The following TOP1 variants were observed in gnomAD, a reference collection of about 807,000 sequenced individuals.
TOP1 encodes the protein DNA topoisomerase 1.
TOP1 carries 10 observed loss-of-function variants against 111.1 expected under a neutral mutation model. The ratio of observed to expected loss-of-function variants is 0.09; its 90% CI spans 0.06 to 0.15. TOP1 has a LOEUF of 0.15. Ranked by LOEUF, TOP1 falls within the 10% of genes least tolerant of loss-of-function variation. The probability of loss-of-function intolerance (pLI) is 1.00; values close to 1 mark genes in which losing one functional copy is unlikely to be tolerated. For synonymous variants in TOP1, 271 were observed against 302.9 expected (o/e 0.89, Z 1.10); for missense variants, 474 against 926.7 (o/e 0.51, Z 6.34).
intron 8 of TOP1, among the ~76,000 whole-genome samples, chr20:41,087,398 T>C (rs2033861861): frequency 6.6e-6 from 1 of 152,276 alleles, no homozygotes; most frequent in Admixed American, 6.5e-5. Context: ...GAATATAAGT[T>C]GCCAGTTAAT....
At position 41,123,778 on chromosome 20, in the gene TOP1, C is replaced by T. The variant is rs1907595220; in HGVS notation, c.*481C>T. On this transcript the variant is annotated 3_prime_UTR_variant, in exon 21 of 21. Coordinates refer to ENST00000361337, the MANE Select transcript of TOP1 (RefSeq NM_003286.4). This position sits in a 1 kb window ranked among gnomAD's most constrained non-coding sequence, Gnocchi z 5.8. ...TTTAAAATTAAGTAGAACAAAAAAC[C>T]CAGCGCACCTGTTAGAGTCGTCACT... 4.3e-6 allele frequency: 1 copy of T among 232,344 alleles called. No homozygotes were observed. Among genetic ancestry groups the T allele is most frequent in the Non-Finnish European group, 8.5e-6 (1 of 117,484 alleles). The allele number at this position is 232,344 out of a possible 1,614,324, so 14.4% of individuals were successfully genotyped here. A position where few individuals can be genotyped will look rare whatever the true frequency, so the allele number is the denominator to read the frequency against.
Position 41,110,393 on chromosome 20 carries a change from G to A in TOP1, c.1309-2389G>A, listed in dbSNP as rs1032688558. ...TATCCATGATGATAGTAATCAGATT[G>A]AAGGATCAGTGGTTGCTTGGTGGAA... is the stretch of plus-strand genomic sequence containing the variant. On this transcript the variant is annotated intron_variant, in intron 13 of 20. Transcript: ENST00000361337. The surrounding 1 kb of genome is among the most constrained non-coding windows in gnomAD (Gnocchi z 4.2). Among the ~76,000 whole-genome samples the A allele has an allele frequency of 6.6e-6, 1 of 152,196 alleles. No homozygotes were observed. Among genetic ancestry groups the A allele is most frequent in the African/African-American group, 2.4e-5 (1 of 41,446 alleles).
chr20:41,088,162 T>A (rs2033869983), intron 8 of TOP1, among the ~76,000 whole-genome samples: 1 of 152,204 alleles, frequency 6.6e-6, no homozygotes, highest in African/African-American at 2.4e-5. Flanking sequence ...AGGATACACA[T>A]GTTGAAATAG....
intron 2 of TOP1, among the ~76,000 whole-genome samples, chr20:41,048,593 G>A (rs141835330): frequency 4.5e-4 from 69 of 152,266 alleles, no homozygotes; most frequent in African/African-American, 1.6e-3. Context: ...TGCTCTAAGC[G>A]TGTCTTCTTA....
At position 41,069,443 on chromosome 20, in the gene TOP1, A is replaced by T. The variant is rs2145931093; in HGVS notation, c.156-6728A>T. Among the ~76,000 whole-genome samples the T allele has an allele frequency of 6.6e-6, 1 of 152,334 alleles. No individual in the cohort carries two copies. Among genetic ancestry groups the T allele is most frequent in the Non-Finnish European group, 1.5e-5 (1 of 68,022 alleles). Reference sequence around the variant, plus strand: ...AGTATGATATATTGAATAGCACACTAAGATAAAAGTTAAGAGGCTGGGTTC... The same window carrying T: ...AGTATGATATATTGAATAGCACACTTAGATAAAAGTTAAGAGGCTGGGTTC... On this transcript the variant is annotated intron_variant, in intron 3 of 20. Transcript: ENST00000361337. This position sits in a 1 kb window ranked among gnomAD's most constrained non-coding sequence, Gnocchi z 4.1.
At position 41,115,656 on chromosome 20, in the gene TOP1, TG is replaced by T. The variant is rs1350912650; in HGVS notation, c.1707+223del. The stretch of plus-strand genomic sequence containing the variant: ...AGAACAACTGCTAAAGCACTCAGGG[TG>T]GGGGGTAGATGAGCCCTACCTTTTA... On this transcript the variant is annotated intron_variant, in intron 16 of 20. Transcript: ENST00000361337. The surrounding 1 kb of genome is among the most constrained non-coding windows in gnomAD (Gnocchi z 6.3). Among the ~76,000 whole-genome samples, 3 of 151,992 alleles carry T rather than the reference TG, an allele frequency of 2.0e-5. No homozygotes were observed. Among genetic ancestry groups the T allele is most frequent in the Non-Finnish European group, 2.9e-5 (2 of 67,984 alleles).
Position 41,122,239 on chromosome 20 carries a change from G to A in TOP1, c.2195+84G>A, listed in dbSNP as rs982101958. ...CCGAGAGCACTGGTGGCCTTCACAT[G>A]CCATTCCTAAGCTACACACTTTAGT... On this transcript the variant is annotated intron_variant, in intron 20 of 20. Coordinates refer to ENST00000361337, the MANE Select transcript of TOP1 (RefSeq NM_003286.4). The surrounding 1 kb of genome is among the most constrained non-coding windows in gnomAD (Gnocchi z 5.4). 1.4e-6 allele frequency: 2 copies of A among 1,422,142 alleles called. No individual in the cohort carries two copies. The highest frequency in any genetic ancestry group is 2.0e-6 in the Non-Finnish European group (2 of 1,022,070). The allele number at this position is 1,422,142 out of a possible 1,614,324, so 88.1% of individuals were successfully genotyped here.
chr20:41,050,913 T>C (rs2033397723), intron 2 of TOP1, among the ~76,000 whole-genome samples: 1 of 152,238 alleles, frequency 6.6e-6, no homozygotes, highest in Non-Finnish European at 1.5e-5. Context: ...TTTTAAAACT[T>C]CTGCTTTTGG....
chr20:41,035,368 C>A (rs773757025), intron 2 of TOP1, among the ~76,000 whole-genome samples: 20 of 152,228 alleles, frequency 1.3e-4, no homozygotes, highest in South Asian at 4.1e-4. Context: ...TAATTCCCCT[C>A]TGAGCCTTTG....
intron 3 of TOP1, among the ~76,000 whole-genome samples, chr20:41,064,356 G>A (rs949869050): frequency 1.3e-5 from 2 of 152,220 alleles, no homozygotes; most frequent in Admixed American, 6.5e-5. Flanking sequence ...AAGTGCACAC[G>A]AAATGTGCCA....
At chr20:41,070,722 AGCTGG>A (rs1388410241) in intron 3 of TOP1, among the ~76,000 whole-genome samples, 1 of 152,224 alleles carries the variant, frequency 6.6e-6, no homozygotes, top group African/African-American at 2.4e-5. Context: ...GTAGACAGGT[AGCTGG>A]GCTGTTAGTG....
Position 41,116,664 on chromosome 20 carries a change from A to C in TOP1, c.1822+272A>C, listed in dbSNP as rs2034335256. ...AAAAATGCCTGCATTTGTGTTTTAT[A>C]CATATATTACTTAAAAGCCCACAGA... On this transcript the variant is annotated intron_variant, in intron 17 of 20. Coordinates refer to ENST00000361337, the MANE Select transcript of TOP1 (RefSeq NM_003286.4). This position sits in a 1 kb window ranked among gnomAD's most constrained non-coding sequence, Gnocchi z 5.6. Among the ~76,000 whole-genome samples the C allele has an allele frequency of 6.6e-6, 1 of 152,180 alleles. No homozygotes were observed. Among genetic ancestry groups the C allele is most frequent in the South Asian group, 2.1e-4 (1 of 4,826 alleles).
rs139118955 is a variant in TOP1 at position 41,040,495 on chromosome 20, C to T, written c.58+11040C>T. 6.5e-4 allele frequency among the ~76,000 whole-genome samples: 99 copies of T among 152,242 alleles called. No individual in the cohort carries two copies. The East Asian group carries it at 0.015, about 23-fold the overall frequency. On this transcript the variant is annotated intron_variant, in intron 2 of 20. Coordinates refer to ENST00000361337, the MANE Select transcript of TOP1 (RefSeq NM_003286.4). Reference sequence around the variant, plus strand: ...AGGAGAGGAAAGGGAGGAGAAGGAACACAAATTTGTTAGTCTTTATAACTA... The same window carrying T: ...AGGAGAGGAAAGGGAGGAGAAGGAATACAAATTTGTTAGTCTTTATAACTA...
At chr20:41,054,217 T>C (rs1600561818) in intron 2 of TOP1, among the ~76,000 whole-genome samples, 1 of 152,160 alleles carries the variant, frequency 6.6e-6, no homozygotes, top group African/African-American at 2.4e-5. Flanking sequence ...GGTGATTGAA[T>C]CACCCGGGCA....
At position 41,100,267 on chromosome 20, in the gene TOP1, G is replaced by T; in HGVS notation, c.1163+24G>T. ...AAGTGAGCTCGCACTTCATCCTATG[G>T]GCCAAAAAGGGGGTGGAGGGCGTCC... On this transcript the variant is annotated intron_variant, in intron 12 of 20. Transcript: ENST00000361337. The surrounding 1 kb of genome is among the most constrained non-coding windows in gnomAD (Gnocchi z 4.4). The T allele has an allele frequency of 6.3e-7, 1 of 1,590,412 alleles. No homozygotes were observed. The highest frequency in any genetic ancestry group is 2.2e-5 in the East Asian group (1 of 44,644).
chr20:41,105,826 G>T (rs1274145126), intron 13 of TOP1, among the ~76,000 whole-genome samples: 4 of 152,138 alleles, frequency 2.6e-5, no homozygotes, highest in Admixed American at 6.5e-5. Flanking sequence ...ATTTAGCATG[G>T]TTATACAGTC....
chr20:41,082,957 TA>T lies in TOP1; in HGVS notation c.508-1504del, dbSNP rs2033806492. 6.6e-6 allele frequency among the ~76,000 whole-genome samples: 1 copy of T among 152,098 alleles called. No individual in the cohort carries two copies. Among genetic ancestry groups the T allele is most frequent in the African/African-American group, 2.4e-5 (1 of 41,434 alleles). On this transcript the variant is annotated intron_variant, in intron 7 of 20. Transcript: ENST00000361337. The surrounding 1 kb of genome is among the most constrained non-coding windows in gnomAD (Gnocchi z 4.1). ...TATTCTATTTAGCAGCCCTACCACA[TA>T]GGGGGAAAAATGCTGGCTGAAAGAC...
At position 41,114,226 on chromosome 20, in the gene TOP1, G is replaced by A. The variant is rs1010592555; in HGVS notation, c.1638+71G>A. 40 of 1,414,210 alleles carry A rather than the reference G, an allele frequency of 2.8e-5. No homozygotes were observed. The African/African-American group carries it at 4.5e-4, about 16-fold the overall frequency. The allele number at this position is 1,414,210 out of a possible 1,614,324, so 87.6% of individuals were successfully genotyped here. The stretch of plus-strand genomic sequence containing the variant: ...ACAAGCATGGGTTGACTGCTTTTTT[G>A]TGTGCTTTGCACTTTGCTGGGCACC... On this transcript the variant is annotated intron_variant, in intron 15 of 20. Transcript: ENST00000361337. This position sits in a 1 kb window ranked among gnomAD's most constrained non-coding sequence, Gnocchi z 4.5.
intron 2 of TOP1, among the ~76,000 whole-genome samples, chr20:41,045,551 G>A (rs1429910658): frequency 1.3e-5 from 2 of 152,162 alleles, no homozygotes; most frequent in African/African-American, 4.8e-5. Context: ...ACCCTATGAG[G>A]TAGGTTATGT....
Sources: allele counts gnomAD v4.1 joint callset (sites outside exome capture counted in the v4.1 genomes callset), GRCh38; gene constraint gnomAD v4.1.1; non-coding constraint Gnocchi (gnomAD v3.1); transcripts MANE v1.5; gene names NCBI Gene and HGNC (gene_info 2026-07-23, HGNC 2026-07-21).